The following EYS variants were observed in gnomAD, a reference collection of about 807,000 sequenced individuals.
The protein encoded by EYS is EGF-like photoreceptor maintenance factor, also known as protein eyes shut homolog.
A neutral mutation model predicts 282.1 loss-of-function variants in EYS; 250 were observed. The observed-to-expected ratio is 0.89, with a 90% CI of 0.80 to 0.98. EYS has a LOEUF of 0.98. Among genes scored for constraint, EYS ranks in the 50% least tolerant of loss-of-function variants. The pLI, the probability that EYS is intolerant of heterozygous loss-of-function variation, is 0.00. For missense variants in EYS, 4,016 were observed against 3,709.0 expected, an observed-to-expected ratio of 1.08 and a Z score of -2.15; for synonymous variants, 1,355 against 1,282.9, an observed-to-expected ratio of 1.06 and a Z score of -1.20.
chr6:64,157,163 G>A (rs1238835079), intron 31 of EYS, among the ~76,000 whole-genome samples: 3 of 150,610 alleles, frequency 2.0e-5, no homozygotes, highest in South Asian at 2.1e-4. Flanking sequence ...TTGTTCTTGC[G>A]ATAGTTTACT....
chr6:64,171,598 A>T (rs1443048994), intron 31 of EYS, among the ~76,000 whole-genome samples: 2 of 147,484 alleles, frequency 1.4e-5, no homozygotes, highest in African/African-American at 5.0e-5. Flanking sequence ...ACCTTTGAAG[A>T]TATAATATTG....
chr6:64,440,746 C>A (rs1449059172), intron 26 of EYS, among the ~76,000 whole-genome samples: 1 of 151,774 alleles, frequency 6.6e-6, no homozygotes, highest in East Asian at 1.9e-4. Flanking sequence ...ATTTAAAATT[C>A]AAATTGTGAA....
chr6:65,175,392 C>G (rs578001497), intron 12 of EYS, among the ~76,000 whole-genome samples: 2 of 151,150 alleles, frequency 1.3e-5, no homozygotes, highest in Non-Finnish European at 3.0e-5. Flanking sequence ...GCAGGATATC[C>G]AAGGTAAATA....
At chr6:64,818,444 G>A (rs1764804468) in intron 21 of EYS, among the ~76,000 whole-genome samples, 1 of 152,128 alleles carries the variant, frequency 6.6e-6, no homozygotes, top group Admixed American at 6.6e-5. Context: ...AGTTTATTAA[G>A]GAGTACTGAC....
chr6:64,774,445 T>C (rs1251427190), intron 22 of EYS, among the ~76,000 whole-genome samples: 1 of 151,934 alleles, frequency 6.6e-6, no homozygotes, highest in African/African-American at 2.4e-5. Flanking sequence ...AGGGAAAGCA[T>C]AAAGGTACCT....
At chr6:64,562,054 A>G (rs1765412396) in intron 26 of EYS, among the ~76,000 whole-genome samples, 1 of 151,958 alleles carries the variant, frequency 6.6e-6, no homozygotes, top group African/African-American at 2.4e-5. Flanking sequence ...AGGCACATAG[A>G]CCAATGGAAA....
chr6:64,356,415 G>C (rs1162562), intron 29 of EYS, among the ~76,000 whole-genome samples: 94,785 of 151,450 alleles, frequency 0.63, 30,410 homozygotes, highest in South Asian at 0.71. Context: ...TCCCATAAGA[G>C]TTGGCACAGC....
chr6:65,545,394 A>T (rs944249813), intron 2 of EYS, among the ~76,000 whole-genome samples: 7 of 152,104 alleles, frequency 4.6e-5, no homozygotes, highest in African/African-American at 1.7e-4. Flanking sequence ...ATACATGTTT[A>T]TTTTTTAAAG....
chr6:64,181,902 A>T (rs1282698442), intron 31 of EYS, among the ~76,000 whole-genome samples: 1 of 151,966 alleles, frequency 6.6e-6, no homozygotes, highest in Non-Finnish European at 1.5e-5. Flanking sequence ...AAGGTAAAGG[A>T]CTTCTATGAT....
At chr6:65,044,368 A>T (rs72877865) in intron 13 of EYS, among the ~76,000 whole-genome samples, 6,504 of 151,844 alleles carry the variant, frequency 0.043, 205 homozygotes, top group Non-Finnish European at 0.065. Context: ...TGCCATGCAG[A>T]AGCTTTTTAC....
intron 28 of EYS, among the ~76,000 whole-genome samples, chr6:64,417,288 T>C (rs1053084491): frequency 2.0e-5 from 3 of 152,202 alleles, no homozygotes; most frequent in Non-Finnish European, 4.4e-5. Flanking sequence ...GGTATTATTA[T>C]TACCTGCATT....
chr6:64,205,562 A>G (rs7752062), intron 31 of EYS, among the ~76,000 whole-genome samples: 63,111 of 151,904 alleles, frequency 0.42, 14,313 homozygotes, highest in African/African-American at 0.61. Context: ...TAGATTTGCA[A>G]ATTAATTCTT....
chr6:65,434,415 C>G (rs1031307021), intron 5 of EYS, among the ~76,000 whole-genome samples: 25 of 151,450 alleles, frequency 1.7e-4, no homozygotes, highest in East Asian at 5.9e-4. Context: ...CTGCCTCCCA[C>G]GTTCACGCCA....
chr6:64,339,840 C>G (rs911514142), intron 29 of EYS, among the ~76,000 whole-genome samples: 2 of 151,624 alleles, frequency 1.3e-5, no homozygotes, highest in African/African-American at 4.8e-5. Flanking sequence ...TAAGTGGGAG[C>G]TAAACTGTGA....
intron 26 of EYS, among the ~76,000 whole-genome samples, chr6:64,580,883 G>T (rs376939646): frequency 2.6e-4 from 39 of 152,088 alleles, no homozygotes; most frequent in African/African-American, 9.2e-4. Context: ...TAGTATTTTT[G>T]ATAAAGTTTA....
chr6:65,138,073 C>T (rs1041665227), intron 12 of EYS, among the ~76,000 whole-genome samples: 1 of 151,978 alleles, frequency 6.6e-6, no homozygotes, highest in Non-Finnish European at 1.5e-5. Flanking sequence ...CTGAGAAGGA[C>T]GTTTTTAAAA....
intron 29 of EYS, among the ~76,000 whole-genome samples, chr6:64,328,351 G>T (rs1770507230): frequency 6.6e-6 from 1 of 152,176 alleles, no homozygotes; most frequent in Non-Finnish European, 1.5e-5. Flanking sequence ...GCTGACACAG[G>T]CTGGGACCCT....
chr6:64,824,351 GCTT>G (rs1386535583), intron 19 of EYS, among the ~76,000 whole-genome samples: 2 of 151,934 alleles, frequency 1.3e-5, no homozygotes, highest in Admixed American at 6.6e-5. Flanking sequence ...AATCAATCAA[GCTT>G]CTCACTTGTA....
At position 65,013,895 on chromosome 6, in the gene EYS, T is replaced by G. The variant is rs561545765; in HGVS notation, c.2138-16192A>C. 8.0e-4 allele frequency among the ~76,000 whole-genome samples: 122 copies of G among 152,212 alleles called. 1 individual carries two copies. Among genetic ancestry groups the G allele is most frequent in the Non-Finnish European group, 1.4e-3 (95 of 68,014 alleles). Reference sequence around the variant, plus strand: ...AATAAATCAATGTGGGTAAGATATGTGAATATGATTGAATGTCACTCCGTA... The same window carrying G: ...AATAAATCAATGTGGGTAAGATATGGGAATATGATTGAATGTCACTCCGTA... On this transcript the variant is annotated intron_variant, in intron 13 of 42. Transcript: ENST00000503581.
Sources: allele counts gnomAD v4.1 joint callset (sites outside exome capture counted in the v4.1 genomes callset), GRCh38; gene constraint gnomAD v4.1.1; transcripts MANE v1.5; gene names NCBI Gene and HGNC (gene_info 2026-07-23, HGNC 2026-07-21).